Variants in LRRC4C observed in about 807,000 individuals in gnomAD.
The protein encoded by LRRC4C is leucine-rich repeat-containing protein 4C.
Under a neutral mutation model 33.6 loss-of-function variants are expected in LRRC4C, and 5 were observed. That is an observed-to-expected ratio of 0.15 (90% confidence interval 0.08 to 0.31). LRRC4C has a LOEUF of 0.31. Ranked by LOEUF, LRRC4C falls within the 10% of genes least tolerant of loss-of-function variation. The pLI is 1.00. For missense variants in LRRC4C, 560 were observed against 796.7 expected, an observed-to-expected ratio of 0.70 and a Z score of 3.58; for synonymous variants, 329 against 302.0, an observed-to-expected ratio of 1.09 and a Z score of -0.93.
chr11:41,327,507 C>T, intron 1 of LRRC4C, among the ~76,000 whole-genome samples: 1 of 152,264 alleles, frequency 6.6e-6, no homozygotes, highest in East Asian at 1.9e-4. Flanking sequence ...ATGTAGGAAA[C>T]ATAGATATTT....
intron 3 of LRRC4C, among the ~76,000 whole-genome samples, chr11:40,392,238 T>A (rs768529234): frequency 6.6e-6 from 1 of 152,142 alleles, no homozygotes; most frequent in Non-Finnish European, 1.5e-5. Context: ...TAATGATGGA[T>A]ACATAACATT....
intron 1 of LRRC4C, among the ~76,000 whole-genome samples, chr11:41,106,631 T>C (rs1348696279): frequency 1.3e-5 from 2 of 152,114 alleles, no homozygotes. Context: ...ATTTGGCTCA[T>C]GAGCTTCCTT....
chr11:40,888,820 G>C (rs1338791503), intron 2 of LRRC4C, among the ~76,000 whole-genome samples: 1 of 151,954 alleles, frequency 6.6e-6, no homozygotes, highest in East Asian at 1.9e-4. Flanking sequence ...AGAGGTAAAT[G>C]CTTATGAAGT....
chr11:40,279,481 C>T (rs1475020215), intron 4 of LRRC4C, among the ~76,000 whole-genome samples: 1 of 152,150 alleles, frequency 6.6e-6, no homozygotes, highest in Admixed American at 6.6e-5. Context: ...CACCTTTCTT[C>T]TGGAGGCATA....
At chr11:41,374,045 A>G (rs1041396300) in intron 1 of LRRC4C, among the ~76,000 whole-genome samples, 2 of 152,162 alleles carry the variant, frequency 1.3e-5, no homozygotes, top group African/African-American at 4.8e-5. Flanking sequence ...TCATAACCCA[A>G]TTAGTCAAAG....
chr11:40,614,344 T>C (rs1961540426), intron 3 of LRRC4C, among the ~76,000 whole-genome samples: 2 of 151,972 alleles, frequency 1.3e-5, no homozygotes, highest in Admixed American at 1.3e-4. Context: ...CGTGGCTTCT[T>C]TCCTTAAAGC....
At chr11:40,842,697 C>G (rs1476639758) in intron 2 of LRRC4C, among the ~76,000 whole-genome samples, 1 of 152,058 alleles carries the variant, frequency 6.6e-6, no homozygotes, top group Non-Finnish European at 1.5e-5. Flanking sequence ...CCAATTAACT[C>G]CATAATTGAT....
chr11:40,240,661 C>CT lies in LRRC4C; in HGVS notation c.-96+857dup, dbSNP rs553626876. Among the ~76,000 whole-genome samples, 52 of 152,270 alleles carry CT rather than the reference C, an allele frequency of 3.4e-4. 1 individual carries two copies. In the South Asian group the frequency reaches 0.011, roughly 32 times the overall value. On this transcript the variant is annotated intron_variant, in intron 5 of 6. Transcript: ENST00000528697. The stretch of plus-strand genomic sequence containing the variant: ...ATGAAAAAGAAAAACCTAATCTATG[C>CT]TTATAAGTGATGGAGTTTTCAACTA...
chr11:40,347,964 C>G (rs553385629), intron 3 of LRRC4C, among the ~76,000 whole-genome samples: 1 of 152,124 alleles, frequency 6.6e-6, no homozygotes, highest in Non-Finnish European at 1.5e-5. Flanking sequence ...AGTTTCAATA[C>G]TGTTGTCTCT....
intron 1 of LRRC4C, among the ~76,000 whole-genome samples, chr11:41,019,144 A>G (rs1345485896): frequency 3.3e-5 from 5 of 151,910 alleles, no homozygotes; most frequent in African/African-American, 1.2e-4. Flanking sequence ...TGCTGTACCT[A>G]TTGACCTGTC....
intron 5 of LRRC4C, among the ~76,000 whole-genome samples, chr11:40,176,650 C>T (rs190553093): frequency 6.6e-6 from 1 of 151,892 alleles, no homozygotes; most frequent in East Asian, 2.0e-4. Flanking sequence ...AAGCAATCCT[C>T]CAGCCTCAGC....
intron 3 of LRRC4C, among the ~76,000 whole-genome samples, chr11:40,488,775 TTAAC>T (rs1954001449): frequency 6.6e-6 from 1 of 152,102 alleles, no homozygotes; most frequent in Admixed American, 6.6e-5. Flanking sequence ...CCTTGAATCT[TTAAC>T]TAGAGCTTTC....
At chr11:41,064,217 T>C (rs1456743660) in intron 1 of LRRC4C, among the ~76,000 whole-genome samples, 1 of 152,214 alleles carries the variant, frequency 6.6e-6, no homozygotes, top group Non-Finnish European at 1.5e-5. Context: ...TGCCATAGTT[T>C]AGTATTGAAT....
chr11:41,176,470 A>G (rs1945203191), intron 1 of LRRC4C, among the ~76,000 whole-genome samples: 1 of 152,172 alleles, frequency 6.6e-6, no homozygotes, highest in Non-Finnish European at 1.5e-5. Flanking sequence ...TCCTGCATCC[A>G]TTCATTCAAC....
At chr11:40,458,391 C>T (rs1952234751) in intron 3 of LRRC4C, among the ~76,000 whole-genome samples, 1 of 152,178 alleles carries the variant, frequency 6.6e-6, no homozygotes, top group Admixed American at 6.6e-5. Context: ...ATCTAACTGA[C>T]CTACTGAAAA....
chr11:41,036,175 C>A (rs1458265990), intron 1 of LRRC4C, among the ~76,000 whole-genome samples: 4 of 152,040 alleles, frequency 2.6e-5, no homozygotes, highest in African/African-American at 9.7e-5. Context: ...CAGAAATAAA[C>A]TCTTTGGTAA....
intron 5 of LRRC4C, among the ~76,000 whole-genome samples, chr11:40,207,620 A>G (rs1351193521): frequency 6.6e-6 from 1 of 152,172 alleles, no homozygotes; most frequent in Non-Finnish European, 1.5e-5. Context: ...AAGAAATAGG[A>G]GAGTCAAGGG....
intron 1 of LRRC4C, among the ~76,000 whole-genome samples, chr11:41,316,286 A>AAAAAAAAAAC (rs1565575470): frequency 6.6e-6 from 1 of 151,378 alleles, no homozygotes; most frequent in African/African-American, 2.4e-5. Flanking sequence ...AAAACAAAAA[A>AAAAAAAAAAC]AAACAAACAT....
chr11:40,537,687 A>G (rs1956533213), intron 3 of LRRC4C, among the ~76,000 whole-genome samples: 1 of 152,186 alleles, frequency 6.6e-6, no homozygotes, highest in Non-Finnish European at 1.5e-5. Flanking sequence ...AGCTGTGGCC[A>G]GATCCTCTCA....
Sources: allele counts gnomAD v4.1 joint callset (sites outside exome capture counted in the v4.1 genomes callset), GRCh38; gene constraint gnomAD v4.1.1; transcripts MANE v1.5; gene names NCBI Gene and HGNC (gene_info 2026-07-23, HGNC 2026-07-21).